Variants in PTPRG observed in about 807,000 individuals in gnomAD.
PTPRG encodes the protein protein tyrosine phosphatase receptor type G.
In PTPRG, 102 loss-of-function variants were observed where a neutral mutation model predicts 165.3. The observed-to-expected ratio is 0.62, with a 90% CI of 0.53 to 0.73. The LOEUF (loss-of-function observed/expected upper bound fraction) is 0.73. Among genes scored for constraint, PTPRG ranks in the 30% least tolerant of loss-of-function variants. The pLI is 0.00. For synonymous variants in PTPRG, 675 were observed against 669.5 expected, an observed-to-expected ratio of 1.01 and a Z score of -0.13; for missense variants, 1,866 against 1,861.4, an observed-to-expected ratio of 1.00 and a Z score of -0.05.
In PTPRG at chr3:62,242,341, T is replaced by A. The variant is rs956983709; in HGVS notation, c.2376-1466T>A. Reference sequence around the variant, plus strand: ...ATAGGAAACAAAAAAAACACGCTCATTTTTCTTCAGTGCTCTATTAGAGTA... The same window carrying A: ...ATAGGAAACAAAAAAAACACGCTCAATTTTCTTCAGTGCTCTATTAGAGTA... On this transcript the variant is annotated intron_variant, in intron 14 of 29. Transcript: ENST00000474889. 2.0e-5 allele frequency among the ~76,000 whole-genome samples: 3 copies of A among 152,224 alleles called. No individual in the cohort carries two copies. The South Asian group carries it at 6.2e-4, about 32-fold the overall frequency.
intron 4 of PTPRG, among the ~76,000 whole-genome samples, chr3:62,016,173 T>G (rs1263288755): frequency 6.6e-6 from 1 of 152,150 alleles, no homozygotes; most frequent in Non-Finnish European, 1.5e-5. Context: ...TTATATTAAC[T>G]ATATATATTT....
intron 8 of PTPRG, among the ~76,000 whole-genome samples, chr3:62,172,397 C>A (rs1344764452): frequency 6.6e-6 from 1 of 152,174 alleles, no homozygotes; most frequent in East Asian, 1.9e-4. Flanking sequence ...TTCTCCATAT[C>A]CTCACCAACA....
chr3:62,051,762 T>C (rs901296717), intron 4 of PTPRG, among the ~76,000 whole-genome samples: 10 of 152,208 alleles, frequency 6.6e-5, no homozygotes, highest in Admixed American at 5.9e-4. Context: ...TGTTAATATT[T>C]GATGTATATG....
chr3:62,240,965 C>T lies in PTPRG; in HGVS notation c.2376-2842C>T, dbSNP rs1418927076. Among the ~76,000 whole-genome samples, 1 of 152,108 alleles carries T rather than the reference C, an allele frequency of 6.6e-6. No homozygotes were observed. The highest frequency in any genetic ancestry group is 2.4e-5 in the African/African-American group (1 of 41,402). On this transcript the variant is annotated intron_variant, in intron 14 of 29. Transcript: ENST00000474889. This position sits in a 1 kb window ranked among gnomAD's most constrained non-coding sequence, Gnocchi z 5.1. The stretch of plus-strand genomic sequence containing the variant: ...CTAGGAGAGTAGGTGCCTTGTGTGT[C>T]TTGTTTATCATTGTGCTCCCAGCTC...
At chr3:61,921,676 C>T (rs990391609) in intron 2 of PTPRG, among the ~76,000 whole-genome samples, 1 of 152,092 alleles carries the variant, frequency 6.6e-6, no homozygotes, top group Admixed American at 6.6e-5. Context: ...TTAGACTTGG[C>T]TCTCACATTT....
chr3:61,641,183 C>T (rs1297817272), intron 1 of PTPRG, among the ~76,000 whole-genome samples: 1 of 152,114 alleles, frequency 6.6e-6, no homozygotes, highest in Non-Finnish European at 1.5e-5. Flanking sequence ...TCCTACCTCC[C>T]CCTCCACCGT....
chr3:61,857,695 A>G (rs759004605), intron 2 of PTPRG, among the ~76,000 whole-genome samples: 16 of 152,224 alleles, frequency 1.1e-4, no homozygotes, highest in Non-Finnish European at 4.4e-5. Flanking sequence ...AAAGACTAAT[A>G]TAGTTCCTAA....
At chr3:61,875,402 T>G (rs2037708001) in intron 2 of PTPRG, among the ~76,000 whole-genome samples, 1 of 152,150 alleles carries the variant, frequency 6.6e-6, no homozygotes, top group South Asian at 2.1e-4. Flanking sequence ...GATTCTCTTT[T>G]AAAGGAATCA....
chr3:61,835,368 C>A (rs990255879), intron 2 of PTPRG, among the ~76,000 whole-genome samples: 1 of 152,134 alleles, frequency 6.6e-6, no homozygotes, highest in Non-Finnish European at 1.5e-5. Context: ...TCCTACTCCC[C>A]CCTTCCCCAG....
chr3:61,604,198 C>T (rs1357742245), intron 1 of PTPRG, among the ~76,000 whole-genome samples: 1 of 152,142 alleles, frequency 6.6e-6, no homozygotes, highest in Non-Finnish European at 1.5e-5. Flanking sequence ...GTGGTGGGCA[C>T]CTGTATTCCC....
intron 4 of PTPRG, among the ~76,000 whole-genome samples, chr3:62,069,619 G>A (rs1333636981): frequency 1.9e-5 from 2 of 105,580 alleles, no homozygotes; most frequent in Non-Finnish European, 3.5e-5. Context: ...TCCAGAGAAA[G>A]AGAGCCATAG....
chr3:61,995,674 G>A (rs149953785), intron 3 of PTPRG, among the ~76,000 whole-genome samples: 56 of 79,926 alleles, frequency 7.0e-4, no homozygotes, highest in African/African-American at 3.3e-3. Flanking sequence ...CCGCCTGCCT[G>A]CCCGCCCGCC....
chr3:61,877,955 C>T (rs1049250694), intron 2 of PTPRG, among the ~76,000 whole-genome samples: 5 of 152,150 alleles, frequency 3.3e-5, no homozygotes, highest in African/African-American at 1.2e-4. Flanking sequence ...ATAATTAGCT[C>T]CTCGCACAAT....
At chr3:62,148,299 A>G (rs1317183217) in intron 6 of PTPRG, among the ~76,000 whole-genome samples, 1 of 152,160 alleles carries the variant, frequency 6.6e-6, no homozygotes, top group Non-Finnish European at 1.5e-5. Flanking sequence ...GTGAGGAGGC[A>G]GGTAGGTGGT....
intron 5 of PTPRG, among the ~76,000 whole-genome samples, chr3:62,128,062 C>T (rs1703379450): frequency 6.6e-6 from 1 of 152,154 alleles, no homozygotes; most frequent in Admixed American, 6.5e-5. Flanking sequence ...GTCAGTATCT[C>T]TATATACTTT....
At chr3:61,839,114 T>A (rs2036550529) in intron 2 of PTPRG, among the ~76,000 whole-genome samples, 1 of 152,200 alleles carries the variant, frequency 6.6e-6, no homozygotes, top group East Asian at 1.9e-4. Flanking sequence ...ATATATCCTT[T>A]AAGATAATAG....
chr3:61,954,521 G>A (rs1278550535), intron 2 of PTPRG, among the ~76,000 whole-genome samples: 1 of 152,042 alleles, frequency 6.6e-6, no homozygotes, highest in Non-Finnish European at 1.5e-5. Context: ...TATTAGATGA[G>A]GTAAGCAATA....
chr3:61,583,522 T>A (rs1700356015), intron 1 of PTPRG, among the ~76,000 whole-genome samples: 1 of 152,192 alleles, frequency 6.6e-6, no homozygotes, highest in Non-Finnish European at 1.5e-5. Context: ...ATTGTACTGC[T>A]ATTATTTTTG....
At chr3:62,152,173 T>C (rs759751982) in intron 6 of PTPRG, among the ~76,000 whole-genome samples, 1 of 151,716 alleles carries the variant, frequency 6.6e-6, no homozygotes, top group Non-Finnish European at 1.5e-5. Flanking sequence ...TGGGACCAGC[T>C]TGGGCAACAC....
Sources: allele counts gnomAD v4.1 joint callset (sites outside exome capture counted in the v4.1 genomes callset), GRCh38; gene constraint gnomAD v4.1.1; non-coding constraint Gnocchi (gnomAD v3.1); transcripts MANE v1.5; gene names NCBI Gene and HGNC (gene_info 2026-07-23, HGNC 2026-07-21).